Variants in LRAT observed in about 807,000 individuals in gnomAD.
The protein encoded by LRAT is lecithin retinol acyltransferase.
LRAT carries 11 observed loss-of-function variants against 14.2 expected under a neutral mutation model. That is an observed-to-expected ratio of 0.78 (90% CI 0.49 to 1.29). The LOEUF (loss-of-function observed/expected upper bound fraction) is 1.29. Among genes scored for constraint, LRAT ranks in the 50% most tolerant of loss-of-function variants. The pLI is 0.00. For missense variants in LRAT, 274 were observed against 292.4 expected, an observed-to-expected ratio of 0.94 and a Z score of 0.46; for synonymous variants, 144 against 124.8, an observed-to-expected ratio of 1.15 and a Z score of -1.03.
intron 2 of LRAT, 100 bp downstream of exon 2, chr4:154,744,966 C>A: frequency 3.1e-6 from 3 of 966,362 alleles, no homozygotes; most frequent in Non-Finnish European, 4.9e-6. Flanking sequence ...AATTCCTGGA[C>A]ACCTCCCCTA....
rs985016255 is a variant in LRAT, at chr4:154,752,845, CTTG to C, written c.*3715_*3717del. On this transcript the variant is annotated 3_prime_UTR_variant, in exon 3 of 3. Transcript: ENST00000336356. ...CTAAGGACAAGCAACTATGTATAGA[CTTG>C]TTGTTTGAATTTTTTTTCAGTATAT... is the stretch of plus-strand genomic sequence containing the variant. 11 of 152,158 alleles carry C rather than the reference CTTG, an allele frequency of 7.2e-5. No individual in the cohort carries two copies. Among genetic ancestry groups the C allele is most frequent in the East Asian group, 5.8e-4 (3 of 5,176 alleles). The allele number at this position is 152,158 out of a possible 1,614,324, so 9.4% of individuals were successfully genotyped here.
rs1732963097 is a variant in LRAT at position 154,750,119 on chromosome 4, T to C, written c.*983T>C. 1 of 152,126 alleles carries C rather than the reference T, an allele frequency of 6.6e-6. No individual in the cohort carries two copies. Among genetic ancestry groups the C allele is most frequent in the African/African-American group, 2.4e-5 (1 of 41,438 alleles). 9.4% of individuals were successfully genotyped at this position (152,126 alleles called of 1,614,324 possible). On this transcript the variant is annotated 3_prime_UTR_variant, in exon 3 of 3. Coordinates refer to ENST00000336356, the MANE Select transcript of LRAT (RefSeq NM_004744.5). ...ACTTGCATATATGTTATTGGATGGGTTGTCTTTTAAAGCATTTACTAATGT... is the reference window on the plus strand; with the variant it reads ...ACTTGCATATATGTTATTGGATGGGCTGTCTTTTAAAGCATTTACTAATGT...
chr4:154,741,046 A>C (rs1280801677), upstream of LRAT: 2 of 152,324 alleles, frequency 1.3e-5, no homozygotes, highest in African/African-American at 4.8e-5. Flanking sequence ...TTGGGGGCAT[A>C]AGCCTATTAG....
chr4:154,743,783 T>C (rs1456891975), upstream of LRAT, among the ~76,000 whole-genome samples: 1 of 151,964 alleles, frequency 6.6e-6, no homozygotes, highest in African/African-American at 2.4e-5. Flanking sequence ...AAGCCAGTAG[T>C]GCAACCGGGA....
Position 154,749,157 on chromosome 4 carries a change from G to A in LRAT, c.*21G>A, listed in dbSNP as rs551191456. ...GCTAACTTCATACCCCCATGTCAGT[G>A]TGTGTATTCTGTATGTAAATATGTT... On this transcript the variant is annotated 3_prime_UTR_variant, in exon 3 of 3. Coordinates refer to ENST00000336356, the MANE Select transcript of LRAT (RefSeq NM_004744.5). The A allele has an allele frequency of 3.5e-5, 57 of 1,607,226 alleles. 1 individual carries two copies. The South Asian group carries it at 6.0e-4, about 17-fold the overall frequency.
rs1271360252 is a variant in LRAT, at chr4:154,752,534, A to T, written c.*3398A>T. 2 of 152,234 alleles carry T rather than the reference A, an allele frequency of 1.3e-5. No individual in the cohort carries two copies. The highest frequency in any genetic ancestry group is 4.8e-5 in the African/African-American group (2 of 41,464). 9.4% of individuals were successfully genotyped at this position (152,234 alleles called of 1,614,324 possible). On this transcript the variant is annotated 3_prime_UTR_variant, in exon 3 of 3. Coordinates refer to ENST00000336356, the MANE Select transcript of LRAT (RefSeq NM_004744.5). ...GTTCAGAAAGATAAATCCCAAAAGT[A>T]TGGAGAACAAAGGAACTCATTTTAA...
At position 154,744,358 on chromosome 4, in the gene LRAT, T is replaced by C; in HGVS notation, c.32T>C (p.Leu11Ser). The C allele has an allele frequency of 6.2e-7, 1 of 1,614,116 alleles. No homozygotes were observed. Among genetic ancestry groups the C allele is most frequent in the Non-Finnish European group, 8.5e-7 (1 of 1,180,018 alleles). The change falls in exon 2 of 3, where the codon TTA (leucine) becomes TCA (serine). Residue 11 changes from leucine (L) to serine (S), a missense_variant. Leu to Ser is a moderately radical substitution (Grantham distance 145, BLOSUM62 -2). Coordinates refer to ENST00000336356, the MANE Select transcript of LRAT (RefSeq NM_004744.5). Reference sequence around the variant, plus strand: ...AACCCCATGCTGGAGGTGGTGTCTTTACTACTGGAGAAGCTGCTCCTCATC... The same window carrying C: ...AACCCCATGCTGGAGGTGGTGTCTTCACTACTGGAGAAGCTGCTCCTCATC... MKNPMLEVVS[L>S]LLEKLLLISN...
upstream of LRAT, among the ~76,000 whole-genome samples, chr4:154,741,280 G>A (rs1732764621): frequency 6.6e-6 from 1 of 152,202 alleles, no homozygotes; most frequent in African/African-American, 2.4e-5. Context: ...CCTAATCATC[G>A]CTAACCGCTT....
At chr4:154,743,416 C>T (rs1335081928), upstream of LRAT, among the ~76,000 whole-genome samples, 3 of 151,934 alleles carry the variant, frequency 2.0e-5, no homozygotes, top group Non-Finnish European at 4.4e-5. Flanking sequence ...ATCGCTTGAA[C>T]CTGGGAGGCG....
In LRAT at chr4:154,744,383, C is replaced by A; in HGVS notation, c.57C>A (p.Ile19=). The change falls in exon 2 of 3, where the codon ATC becomes ATA. Residue 19 remains isoleucine, a synonymous_variant. Transcript: ENST00000336356. ...TACTACTGGAGAAGCTGCTCCTCAT[C>A]TCCAACTTCACGCTCTTTAGTTCGG... ...VSLLLEKLLL[I]SNFTLFSSGA... The A allele has an allele frequency of 1.2e-6, 2 of 1,614,208 alleles. No individual in the cohort carries two copies. Among genetic ancestry groups the A allele is most frequent in the Non-Finnish European group, 1.7e-6 (2 of 1,180,040 alleles).
Position 154,744,309 on chromosome 4 carries a change from C to T in LRAT, c.-1-17C>T, listed in dbSNP as rs200870318. 1 of 1,613,532 alleles carries T rather than the reference C, an allele frequency of 6.2e-7. No homozygotes were observed. The highest frequency in any genetic ancestry group is 8.5e-7 in the Non-Finnish European group (1 of 1,179,852). Reference sequence around the variant, plus strand: ...GAGTGGCACCGGCACCTCTCCAAGACGCCCTCTTCCCTGCAGGATGAAGAA... The same window carrying T: ...GAGTGGCACCGGCACCTCTCCAAGATGCCCTCTTCCCTGCAGGATGAAGAA... On this transcript the variant is annotated splice_polypyrimidine_tract_variant and intron_variant, in intron 1 of 2. Coordinates refer to ENST00000336356, the MANE Select transcript of LRAT (RefSeq NM_004744.5).
intron 2 of LRAT, among the ~76,000 whole-genome samples, 195 bp downstream of exon 2, chr4:154,745,061 C>T (rs1478030250): frequency 8.5e-6 from 1 of 118,282 alleles, no homozygotes; most frequent in Non-Finnish European, 1.6e-5. Flanking sequence ...CTCTGTTGCT[C>T]AGGCTGGAGT....
At position 154,750,598 on chromosome 4, in the gene LRAT, C is replaced by G. The variant is rs1732971032; in HGVS notation, c.*1462C>G. The G allele has an allele frequency of 6.6e-6, 1 of 152,022 alleles. No homozygotes were observed. Among genetic ancestry groups the G allele is most frequent in the Non-Finnish European group, 1.5e-5 (1 of 67,978 alleles). 9.4% of individuals were successfully genotyped at this position (152,022 alleles called of 1,614,324 possible). A position where few individuals can be genotyped will look rare whatever the true frequency, so the allele number is the denominator to read the frequency against. ...TTAGATTAATAATGTTTTATCACCACTAATTTGCCCACAACAAACTCAGTA... is the reference window on the plus strand; with the variant it reads ...TTAGATTAATAATGTTTTATCACCAGTAATTTGCCCACAACAAACTCAGTA... On this transcript the variant is annotated 3_prime_UTR_variant, in exon 3 of 3. Transcript: ENST00000336356.
In LRAT at chr4:154,744,821, G is replaced by A; in HGVS notation, c.495G>A (p.Val165=). Residue 165 remains valine, a synonymous_variant, in exon 2 of 3, where the codon GTG becomes GTA. Transcript: ENST00000336356. Reference sequence around the variant, plus strand: ...TGTGGAACAACTGCGAGCACTTCGTGACCTACTGCAGATATGGCACCCCGA... The same window carrying A: ...TGTGGAACAACTGCGAGCACTTCGTAACCTACTGCAGATATGGCACCCCGA... The part of the protein sequence containing the change: ...SLLWNNCEHF[V]TYCRYGTPIS... 2 of 1,613,904 alleles carry A rather than the reference G, an allele frequency of 1.2e-6. No individual in the cohort carries two copies. The highest frequency in any genetic ancestry group is 1.7e-6 in the Non-Finnish European group (2 of 1,180,022).
At chr4:154,743,876 C>G (rs1275665213), upstream of LRAT, 1 of 147,816 alleles carries the variant, frequency 6.8e-6, no homozygotes, top group Non-Finnish European at 1.5e-5. Flanking sequence ...CGGGATCCCG[C>G]GTCCTCCCCG....
chr4:154,748,506 C>A, intron 2 of LRAT: 2 of 507,902 alleles, frequency 3.9e-6, no homozygotes, highest in Non-Finnish European at 2.6e-6. Flanking sequence ...CTTTCTATGC[C>A]TGTAGATTTT....
rs1184424422 is a variant in LRAT, at chr4:154,751,861, C to A, written c.*2725C>A. 6.6e-6 allele frequency: 1 copy of A among 150,920 alleles called. No homozygotes were observed. The highest frequency in any genetic ancestry group is 1.5e-5 in the Non-Finnish European group (1 of 67,898). 9.3% of individuals were successfully genotyped at this position (150,920 alleles called of 1,614,324 possible). A position where few individuals can be genotyped will look rare whatever the true frequency, so the allele number is the denominator to read the frequency against. ...ATTAAGATTCATCCTTATGCTCCTGCAAGTTTCTTATATTTATGTATTTCT... is the reference window on the plus strand; with the variant it reads ...ATTAAGATTCATCCTTATGCTCCTGAAAGTTTCTTATATTTATGTATTTCT... On this transcript the variant is annotated 3_prime_UTR_variant, in exon 3 of 3. Transcript: ENST00000336356.
chr4:154,753,087 C>T lies in LRAT; in HGVS notation c.*3951C>T, dbSNP rs977070831. 3.3e-5 allele frequency: 5 copies of T among 152,174 alleles called. No homozygotes were observed. The highest frequency in any genetic ancestry group is 1.3e-4 in the Admixed American group (2 of 15,278). The allele number at this position is 152,174 out of a possible 1,614,324, so 9.4% of individuals were successfully genotyped here. ...CTAAGCTAATTTTATATTTGGTATACATGCATGTCAAATAAAGTTAATTTT... is the reference window on the plus strand; with the variant it reads ...CTAAGCTAATTTTATATTTGGTATATATGCATGTCAAATAAAGTTAATTTT... On this transcript the variant is annotated 3_prime_UTR_variant, in exon 3 of 3. Coordinates refer to ENST00000336356, the MANE Select transcript of LRAT (RefSeq NM_004744.5).
chr4:154,743,343 A>C (rs995378213), upstream of LRAT, among the ~76,000 whole-genome samples: 1 of 152,034 alleles, frequency 6.6e-6, no homozygotes, highest in Non-Finnish European at 1.5e-5. Flanking sequence ...TCTACTAAAA[A>C]TACAAAAATT....
Sources: gnomAD v4.1 joint callset for allele counts (sites outside exome capture counted in the v4.1 genomes callset) on GRCh38, gnomAD v4.1.1 for gene constraint, MANE v1.5 for transcripts, NCBI Gene and HGNC (gene_info 2026-07-23, HGNC 2026-07-21) for gene names.